Variants in UBE2E3 observed in about 807,000 individuals in gnomAD.
UBE2E3 encodes the protein ubiquitin conjugating enzyme E2 E3, also known as ubiquitin-conjugating enzyme E2 E3.
Under a neutral mutation model 23.6 loss-of-function variants are expected in UBE2E3, and 5 were observed. The ratio of observed to expected loss-of-function variants is 0.21; its 90% CI spans 0.11 to 0.44. The LOEUF (loss-of-function observed/expected upper bound fraction) is 0.44. Ranked by LOEUF, UBE2E3 falls within the 20% of genes least tolerant of loss-of-function variation. The pLI is 0.99. For synonymous variants in UBE2E3, 78 were observed against 87.5 expected, an observed-to-expected ratio of 0.89 and a Z score of 0.60; for missense variants, 81 against 249.8, an observed-to-expected ratio of 0.32 and a Z score of 4.55.
chr2:181,005,009 G>C (rs1316329003), intron 3 of UBE2E3, among the ~76,000 whole-genome samples: 1 of 152,224 alleles, frequency 6.6e-6, no homozygotes, highest in Non-Finnish European at 1.5e-5. Context: ...AGCACTGTGT[G>C]TAAGTTACTT....
At chr2:181,045,684 C>T (rs1243405889) in intron 3 of UBE2E3, among the ~76,000 whole-genome samples, 2 of 152,104 alleles carry the variant, frequency 1.3e-5, no homozygotes, top group African/African-American at 4.8e-5. Context: ...TTACATTTGG[C>T]AGCCAAGGTT....
At chr2:180,995,711 T>A (rs1684804427) in intron 3 of UBE2E3, among the ~76,000 whole-genome samples, 1 of 151,878 alleles carries the variant, frequency 6.6e-6, no homozygotes, top group East Asian at 1.9e-4. Flanking sequence ...GGGAGTTAGA[T>A]CAAGAGGCTT....
intron 3 of UBE2E3, among the ~76,000 whole-genome samples, chr2:181,026,355 T>G (rs188409194): frequency 5.3e-5 from 8 of 151,876 alleles, no homozygotes; most frequent in African/African-American, 1.9e-4. Context: ...GAATAAACCC[T>G]AGGTAACTCT....
At chr2:181,044,945 T>G (rs1166473076) in intron 3 of UBE2E3, among the ~76,000 whole-genome samples, 1 of 152,202 alleles carries the variant, frequency 6.6e-6, no homozygotes, top group Non-Finnish European at 1.5e-5. Context: ...ATTTTCTAAA[T>G]GTTAGAATTT....
Position 180,993,069 on chromosome 2 carries a change from GC to G in UBE2E3, c.245+8978del, listed in dbSNP as rs549332838. Among the ~76,000 whole-genome samples, 356 of 152,268 alleles carry G rather than the reference GC, an allele frequency of 2.3e-3. 1 individual carries two copies. The highest frequency in any genetic ancestry group is 8.3e-3 in the African/African-American group (344 of 41,554). On this transcript the variant is annotated intron_variant, in intron 3 of 5. Coordinates refer to ENST00000410062, the MANE Select transcript of UBE2E3 (RefSeq NM_006357.4). Reference sequence around the variant, plus strand: ...TGCAGTAGTAAAGTTAAATTGTAAAGCCTTGGGATTTTTATCTCTGTTGACA... The same window carrying G: ...TGCAGTAGTAAAGTTAAATTGTAAAGCTTGGGATTTTTATCTCTGTTGACA...
At chr2:181,034,308 A>C (rs189064752) in intron 3 of UBE2E3, among the ~76,000 whole-genome samples, 115 of 152,364 alleles carry the variant, frequency 7.5e-4, no homozygotes, top group Non-Finnish European at 1.1e-3. Context: ...CTGGATTAAG[A>C]AAATGTGGCA....
rs559954798 is a variant in UBE2E3 at position 181,051,891 on chromosome 2, G to A, written c.246-5802G>A. 2.2e-3 allele frequency among the ~76,000 whole-genome samples: 327 copies of A among 151,934 alleles called. 1 individual carries two copies. Among genetic ancestry groups the A allele is most frequent in the African/African-American group, 7.6e-3 (315 of 41,476 alleles). ...TTTCTAGACTGCTTTTTTATGCAGT[G>A]TGGCATTGTACCTAAAATTTTGTAT... On this transcript the variant is annotated intron_variant, in intron 3 of 5. Coordinates refer to ENST00000410062, the MANE Select transcript of UBE2E3 (RefSeq NM_006357.4).
chr2:181,012,950 C>G (rs1273659400), intron 3 of UBE2E3, among the ~76,000 whole-genome samples: 1 of 152,102 alleles, frequency 6.6e-6, no homozygotes, highest in Non-Finnish European at 1.5e-5. Flanking sequence ...CTTGTCCACT[C>G]CCATATAGTC....
intron 3 of UBE2E3, among the ~76,000 whole-genome samples, chr2:181,055,036 T>C (rs1574224165): frequency 6.6e-6 from 1 of 151,760 alleles, no homozygotes; most frequent in South Asian, 2.1e-4. Flanking sequence ...GATTGAGAAA[T>C]GATCATTGGG....
intron 3 of UBE2E3, among the ~76,000 whole-genome samples, chr2:180,996,473 CTGT>C (rs1274355311): frequency 2.0e-5 from 3 of 152,108 alleles, no homozygotes; most frequent in Non-Finnish European, 4.4e-5. Context: ...AATATTAACC[CTGT>C]TGTTAATATA....
At chr2:181,006,057 G>A (rs973023325) in intron 3 of UBE2E3, among the ~76,000 whole-genome samples, 10 of 152,168 alleles carry the variant, frequency 6.6e-5, no homozygotes, top group South Asian at 4.1e-4. Flanking sequence ...TGGAACCAAG[G>A]AGGTCCAAGC....
chr2:181,041,507 C>T lies in UBE2E3; in HGVS notation c.246-16186C>T, dbSNP rs539757471. On this transcript the variant is annotated intron_variant, in intron 3 of 5. Transcript: ENST00000410062. ...CCAGGCTAGATTGTAGTGGCACAAC[C>T]GGCTCACTGCAACCTCTGCCTCCCA... Among the ~76,000 whole-genome samples the T allele has an allele frequency of 2.6e-5, 4 of 151,948 alleles. No homozygotes were observed. The South Asian group carries it at 6.2e-4, about 24-fold the overall frequency.
chr2:181,020,209 G>GCCAT (rs1685632538), intron 3 of UBE2E3, among the ~76,000 whole-genome samples: 1 of 151,860 alleles, frequency 6.6e-6, no homozygotes, highest in African/African-American at 2.4e-5. Flanking sequence ...TGTGGACAGG[G>GCCAT]CCGTGCTCCC....
intron 3 of UBE2E3, among the ~76,000 whole-genome samples, chr2:181,021,487 CTCT>C (rs1338228015): frequency 7.6e-6 from 1 of 131,402 alleles, no homozygotes; most frequent in African/African-American, 2.9e-5. Context: ...TTCTCTCTCT[CTCT>C]TCCTTTCCTT....
chr2:181,023,694 G>A (rs987168655), intron 3 of UBE2E3, among the ~76,000 whole-genome samples: 5 of 152,102 alleles, frequency 3.3e-5, no homozygotes, highest in African/African-American at 9.7e-5. Context: ...TTGAGAGCAT[G>A]GACTCTATCT....
intron 3 of UBE2E3, among the ~76,000 whole-genome samples, chr2:181,049,772 A>T (rs1686771318): frequency 6.6e-6 from 1 of 152,014 alleles, no homozygotes; most frequent in Non-Finnish European, 1.5e-5. Flanking sequence ...AATAGTTATT[A>T]ATTCTTCAAT....
chr2:181,035,880 T>G (rs978320548), intron 3 of UBE2E3, among the ~76,000 whole-genome samples: 2 of 152,184 alleles, frequency 1.3e-5, no homozygotes, highest in African/African-American at 4.8e-5. Context: ...TACTCATAAT[T>G]TAATGGCCAG....
intron 3 of UBE2E3, among the ~76,000 whole-genome samples, chr2:181,050,183 T>C (rs115705916): frequency 0.018 from 2,670 of 152,092 alleles, 79 homozygotes; most frequent in African/African-American, 0.061. Context: ...CTCTGATCAC[T>C]ATTTCCTGAA....
chr2:181,055,838 A>G (rs1344808252), intron 3 of UBE2E3, among the ~76,000 whole-genome samples: 1 of 151,756 alleles, frequency 6.6e-6, no homozygotes, highest in Admixed American at 6.6e-5. Context: ...TTTAAGGCGT[A>G]TGAGTCGTCT....
Sources: allele counts gnomAD v4.1 joint callset (sites outside exome capture counted in the v4.1 genomes callset), GRCh38; gene constraint gnomAD v4.1.1; transcripts MANE v1.5; gene names NCBI Gene and HGNC (gene_info 2026-07-23, HGNC 2026-07-21).